ANKRD26: variants seen among roughly 807,000 people sequenced by gnomAD.
ANKRD26 encodes the protein ankyrin repeat domain-containing protein 26.
Under a neutral mutation model 208.7 loss-of-function variants are expected in ANKRD26, and 141 were observed. The ratio of observed to expected loss-of-function variants is 0.68; its 90% CI spans 0.59 to 0.78. ANKRD26 has a LOEUF of 0.78. Ranked by LOEUF, ANKRD26 falls within the 30% of genes least tolerant of loss-of-function variation. The probability of loss-of-function intolerance (pLI) is 0.00; values close to 1 mark genes in which losing one functional copy is unlikely to be tolerated. For synonymous variants in ANKRD26, 636 were observed against 660.4 expected, an observed-to-expected ratio of 0.96 and a Z score of 0.57; for missense variants, 1,889 against 1,938.7, an observed-to-expected ratio of 0.97 and a Z score of 0.48.
At chr10:27,040,784 C>G (rs1240993581) in intron 20 of ANKRD26, among the ~76,000 whole-genome samples, 1 of 152,068 alleles carries the variant, frequency 6.6e-6, no homozygotes, top group Non-Finnish European at 1.5e-5. Context: ...AATCCCAGCA[C>G]TTTAGGAGGC....
Position 27,004,943 on chromosome 10 carries a change from TA to T in ANKRD26, c.*646del. On this transcript the variant is annotated 3_prime_UTR_variant, in exon 34 of 34. Coordinates refer to ENST00000376087, the MANE Select transcript of ANKRD26 (RefSeq NM_014915.3). ...TGTCCTGACTTGTAGGAATGCCCAC[TA>T]AAGTAATCAGGGGTGATGACATAAT... is the stretch of plus-strand genomic sequence containing the variant. 1 of 723,644 alleles carries T rather than the reference TA, an allele frequency of 1.4e-6. No individual in the cohort carries two copies. Among genetic ancestry groups the T allele is most frequent in the Non-Finnish European group, 1.7e-6 (1 of 591,322 alleles). 44.8% of individuals were successfully genotyped at this position (723,644 alleles called of 1,614,324 possible).
the ANKRD26 span, among the ~76,000 whole-genome samples, chr10:26,964,729 G>T: frequency 6.6e-6 from 1 of 152,204 alleles, no homozygotes; most frequent in Non-Finnish European, 1.5e-5. Flanking sequence ...AGAATTTAGA[G>T]ATTTGGAGTC....
rs762462729 is a variant in ANKRD26 at position 27,035,155 on chromosome 10, T to C, written c.3295A>G (p.Lys1099Glu). ...EKTLGLERVQ[K>E]DLSQTQCQMK... ...TGACACTGTGTTTGGCTTAGGTCCT[T>C]TTGTACCCGTTCTAAACCCAAAGTC... The change falls in exon 24 of 34, where the codon AAG (lysine) becomes GAG (glutamate). Residue 1099 changes from lysine to glutamate, a missense_variant. By Grantham distance (56) the Lys-to-Glu change is moderately conservative. Transcript: ENST00000376087. The C allele has an allele frequency of 1.2e-6, 2 of 1,613,990 alleles. No homozygotes were observed. The highest frequency in any genetic ancestry group is 4.5e-5 in the East Asian group (2 of 44,880).
At chr10:27,039,936 A>G (rs1278017947) in intron 21 of ANKRD26, 29 bp downstream of exon 21, 2 of 1,588,790 alleles carry the variant, frequency 1.3e-6, no homozygotes, top group Non-Finnish European at 1.7e-6. Context: ...CAAATAGTTA[A>G]ACATTTCTTT....
intron 5 of ANKRD26, among the ~76,000 whole-genome samples, chr10:26,992,194 T>G (rs1213948705): frequency 6.6e-6 from 1 of 152,158 alleles, no homozygotes; most frequent in Non-Finnish European, 1.5e-5. Context: ...GATCTAATTC[T>G]TCGCTTTATT....
intron 11 of ANKRD26, 174 bp downstream of exon 11, chr10:27,066,313 T>C (rs1194980577): frequency 4.3e-6 from 2 of 468,698 alleles, no homozygotes; most frequent in South Asian, 4.7e-5. Context: ...AATTATACTA[T>C]GCAGCAGTAA....
intron 10 of ANKRD26, 59 bp from the exon 11 acceptor site, chr10:27,066,607 T>C: frequency 8.7e-7 from 1 of 1,151,684 alleles, no homozygotes; most frequent in South Asian, 1.4e-5. Flanking sequence ...AAATTTTAAA[T>C]ACATAATTAA....
intron 4 of ANKRD26, among the ~76,000 whole-genome samples, chr10:26,981,463 A>G (rs1207667595): frequency 6.6e-6 from 1 of 152,118 alleles, no homozygotes; most frequent in Non-Finnish European, 1.5e-5. Context: ...GGGTGCAGGA[A>G]GATTGTGACT....
intron 30 of ANKRD26, among the ~76,000 whole-genome samples, chr10:27,015,280 G>A (rs575591948): frequency 9.8e-5 from 15 of 152,304 alleles, no homozygotes; most frequent in East Asian, 7.7e-4. Flanking sequence ...AATGCTGTGC[G>A]CATCAATACA....
intron 16 of ANKRD26, among the ~76,000 whole-genome samples, chr10:27,049,776 T>A (rs989820642): frequency 6.6e-6 from 1 of 152,200 alleles, no homozygotes; most frequent in Non-Finnish European, 1.5e-5. Flanking sequence ...TAGCACTTTA[T>A]GGCACCAAAA....
At chr10:27,094,424 A>G (rs188311536) in intron 1 of ANKRD26, among the ~76,000 whole-genome samples, 1 of 152,336 alleles carries the variant, frequency 6.6e-6, no homozygotes, top group Non-Finnish European at 1.5e-5. Flanking sequence ...CTTTAGATTC[A>G]GTTCAACTTG....
downstream of ANKRD26, among the ~76,000 whole-genome samples, chr10:26,987,699 G>A (rs2052413778): frequency 1.3e-5 from 2 of 152,184 alleles, no homozygotes; most frequent in Non-Finnish European, 2.9e-5. Context: ...ACAGTGGGAT[G>A]AGGTAATATT....
At chr10:26,966,072 G>A in the ANKRD26 span, among the ~76,000 whole-genome samples, 1 of 152,172 alleles carries the variant, frequency 6.6e-6, no homozygotes, top group African/African-American at 2.4e-5. Context: ...AAAACAGTAT[G>A]GCGATTCCTC....
the ANKRD26 span, among the ~76,000 whole-genome samples, chr10:26,951,797 T>C: frequency 6.6e-6 from 1 of 152,218 alleles, no homozygotes; most frequent in Non-Finnish European, 1.5e-5. Context: ...TAGTCATATC[T>C]CTTATTTTCT....
chr10:27,006,807 T>G (rs2052901588), intron 33 of ANKRD26, 110 bp downstream of exon 33: 2 of 817,552 alleles, frequency 2.4e-6, no homozygotes, highest in Admixed American at 3.6e-5. Context: ...GAACATTTAA[T>G]GTAGTATCTA....
the ANKRD26 span, among the ~76,000 whole-genome samples, chr10:26,947,584 C>A: frequency 6.6e-6 from 1 of 152,162 alleles, no homozygotes. Context: ...GGAAAACAAA[C>A]ATTTCAATCT....
intron 15 of ANKRD26, among the ~76,000 whole-genome samples, chr10:27,059,762 T>G (rs1327180338): frequency 6.7e-6 from 1 of 150,104 alleles, no homozygotes; most frequent in African/African-American, 2.5e-5. Flanking sequence ...ATACAAAAAT[T>G]AGCCGGGCAT....
chr10:27,017,359 A>G (rs1479417128), intron 30 of ANKRD26, 143 bp downstream of exon 30: 5 of 763,176 alleles, frequency 6.6e-6, no homozygotes, highest in East Asian at 2.7e-5. Flanking sequence ...TGGAATATCT[A>G]AAGGGAGAAA....
chr10:27,030,987 T>C (rs1222862636), intron 25 of ANKRD26, among the ~76,000 whole-genome samples: 2 of 152,078 alleles, frequency 1.3e-5, no homozygotes, highest in Non-Finnish European at 2.9e-5. Context: ...TGAAGTTAAA[T>C]TAAGGGCAAA....
Sources: allele counts gnomAD v4.1 joint callset (sites outside exome capture counted in the v4.1 genomes callset), GRCh38; gene constraint gnomAD v4.1.1; transcripts MANE v1.5; gene names NCBI Gene and HGNC (gene_info 2026-07-23, HGNC 2026-07-21).